PPP1R37: variants seen among roughly 807,000 people sequenced by gnomAD.
PPP1R37 encodes protein phosphatase 1 regulatory subunit 37.
A neutral mutation model predicts 61.0 loss-of-function variants in PPP1R37; 21 were observed. The observed-to-expected ratio is 0.34, with a 90% CI of 0.24 to 0.50. PPP1R37 has a LOEUF of 0.50. Among genes scored for constraint, PPP1R37 ranks in the 20% least tolerant of loss-of-function variants. The pLI, the probability that PPP1R37 is intolerant of heterozygous loss-of-function variation, is 0.98. For synonymous variants in PPP1R37, 443 were observed against 433.5 expected (o/e 1.02, Z -0.27); for missense variants, 910 against 952.7 (o/e 0.96, Z 0.59).
chr19:45,117,419 G>T (rs1041769031), intron 1 of PPP1R37, among the ~76,000 whole-genome samples: 3 of 152,216 alleles, frequency 2.0e-5, no homozygotes, highest in African/African-American at 7.2e-5. Flanking sequence ...CCTTGTCCTG[G>T]GCTGAGGAGT....
In PPP1R37 at chr19:45,146,747, C is replaced by T. The variant is rs556508381; in HGVS notation, c.*185C>T. ...GAGCTACAGGGAGTGGCCCTCCGCG[C>T]GTGACTCAAGCACTTCTATTTATGA... On this transcript the variant is annotated 3_prime_UTR_variant, in exon 13 of 13. Transcript: ENST00000221462. The T allele has an allele frequency of 1.7e-5, 7 of 409,480 alleles. No homozygotes were observed. Among genetic ancestry groups the T allele is most frequent in the Admixed American group, 1.1e-4 (3 of 26,312 alleles). 25.4% of individuals were successfully genotyped at this position (409,480 alleles called of 1,614,324 possible). A position where few individuals can be genotyped will look rare whatever the true frequency, so the allele number is the denominator to read the frequency against.
chr19:45,104,463 A>C (rs1355287031), intron 1 of PPP1R37, among the ~76,000 whole-genome samples: 1 of 152,126 alleles, frequency 6.6e-6, no homozygotes, highest in Non-Finnish European at 1.5e-5. Context: ...TGGGGAAGGA[A>C]GATTTCGTTC....
In PPP1R37 at chr19:45,145,793, G is replaced by A. The variant is rs897830296; in HGVS notation, c.1737G>A (p.Glu579=). 2.5e-5 allele frequency: 38 copies of A among 1,503,810 alleles called. No individual in the cohort carries two copies. The highest frequency in any genetic ancestry group is 3.4e-5 in the Non-Finnish European group (38 of 1,130,102). 93.2% of individuals were successfully genotyped at this position (1,503,810 alleles called of 1,614,324 possible). The change falls in exon 11 of 13, where the codon GAG becomes GAA. Residue 579 remains glutamate, a synonymous_variant. Transcript: ENST00000221462. The stretch of plus-strand genomic sequence containing the variant: ...TGACCCGGGTGGAGAGCCCGCCCGA[G>A]AGGGCAGAGCCCCCTGCGTCCCCCA... ...FVVTRVESPP[E]RAEPPASPTP...
In PPP1R37 at chr19:45,145,843, C is replaced by T. The variant is rs1309742664; in HGVS notation, c.1787C>T (p.Pro596Leu). ...ACCCCTCCCTCTCCCCCACCCCCTC[C>T]CTCCCCACCCGCCTCACCTTCCCTA... Reference protein sequence around the residue: ...SPTPPSPPPPPSPPASPSLPP... With the variant: ...SPTPPSPPPPLSPPASPSLPP... Residue 596 changes from proline to leucine, a missense_variant, in exon 11 of 13, where the codon CCC becomes CTC. This residue lies in a region of PPP1R37 where 549 missense variants were observed against 505.1 expected (regional missense o/e 1.09). Coordinates refer to ENST00000221462, the MANE Select transcript of PPP1R37 (RefSeq NM_019121.2). 1.4e-6 allele frequency: 2 copies of T among 1,471,830 alleles called. No homozygotes were observed. The highest frequency in any genetic ancestry group is 1.2e-5 in the South Asian group (1 of 80,160). The allele number at this position is 1,471,830 out of a possible 1,614,324, so 91.2% of individuals were successfully genotyped here.
intron 1 of PPP1R37, among the ~76,000 whole-genome samples, chr19:45,134,203 T>G (rs2122745123): frequency 6.6e-6 from 1 of 152,200 alleles, no homozygotes; most frequent in East Asian, 1.9e-4. Context: ...AGAGACTGGC[T>G]TTGTTGGCAA....
At chr19:45,111,972 CT>C (rs1001922374) in intron 1 of PPP1R37, among the ~76,000 whole-genome samples, 81 of 146,036 alleles carry the variant, frequency 5.5e-4, no homozygotes, top group African/African-American at 1.3e-3. Context: ...TCTTTTCTTT[CT>C]TTTTTTTTTT....
intron 1 of PPP1R37, among the ~76,000 whole-genome samples, chr19:45,129,904 G>A (rs1035636369): frequency 6.6e-6 from 1 of 152,172 alleles, no homozygotes; most frequent in Non-Finnish European, 1.5e-5. Flanking sequence ...AGTTTAATAT[G>A]GAAAAAAACA....
Position 45,118,788 on chromosome 19 carries a change from G to A in PPP1R37, c.203-19726G>A, listed in dbSNP as rs541396845. 3.5e-3 allele frequency among the ~76,000 whole-genome samples: 531 copies of A among 152,212 alleles called. 4 individuals are homozygous for A. The highest frequency in any genetic ancestry group is 0.012 in the African/African-American group (509 of 41,522). On this transcript the variant is annotated intron_variant, in intron 1 of 12. Transcript: ENST00000221462. ...TTCCTTCCTTTAGCCCACGTTCACT[G>A]AGCACCTGCTGGCCGGGCCCCAGGG... is the stretch of plus-strand genomic sequence containing the variant.
chr19:45,139,568 G>C (rs1968583075), intron 2 of PPP1R37, among the ~76,000 whole-genome samples: 1 of 152,174 alleles, frequency 6.6e-6, no homozygotes, highest in Non-Finnish European at 1.5e-5. Context: ...TGTACCCTCA[G>C]CTGTGCTGGA....
chr19:45,093,559 C>T lies in PPP1R37; in HGVS notation c.202+32C>T, dbSNP rs898159533. The T allele has an allele frequency of 4.0e-6, 6 of 1,509,890 alleles. No homozygotes were observed. The African/African-American group carries it at 5.6e-5, about 14-fold the overall frequency. The allele number at this position is 1,509,890 out of a possible 1,614,324, so 93.5% of individuals were successfully genotyped here. A position where few individuals can be genotyped will look rare whatever the true frequency, so the allele number is the denominator to read the frequency against. On this transcript the variant is annotated intron_variant, in intron 1 of 12. Coordinates refer to ENST00000221462, the MANE Select transcript of PPP1R37 (RefSeq NM_019121.2). ...ACCGCGGGTGAAGCGGGGGCGGGCT[C>T]GAGAGGGACCCGGGAGTCGGGAGGG... is the stretch of plus-strand genomic sequence containing the variant.
At chr19:45,102,145 C>G (rs1968072381) in intron 1 of PPP1R37, among the ~76,000 whole-genome samples, 1 of 152,244 alleles carries the variant, frequency 6.6e-6, no homozygotes, top group Non-Finnish European at 1.5e-5. Context: ...ACAGTCCCTT[C>G]AGGTCTCACA....
In PPP1R37 at chr19:45,145,398, C is replaced by G; in HGVS notation, c.1342C>G (p.Gln448Glu). Residue 448 changes from glutamine to glutamate, a missense_variant, in exon 11 of 13, where the codon CAG becomes GAG. By Grantham distance (29) the Gln-to-Glu change is conservative (BLOSUM62 2). Transcript: ENST00000221462. ...ETQKALLAEI[Q>E]NGCKRNLVLA... ...GCAGAAGGCGCTGCTGGCCGAGATC[C>G]AGAACGGCTGCAAGCGCAACTTGGT... is the stretch of plus-strand genomic sequence containing the variant. The G allele has an allele frequency of 6.5e-7, 1 of 1,535,442 alleles. No homozygotes were observed. Among genetic ancestry groups the G allele is most frequent in the Middle Eastern group, 1.7e-4 (1 of 5,974 alleles).
intron 1 of PPP1R37, among the ~76,000 whole-genome samples, chr19:45,137,518 G>A (rs537956718): frequency 1.3e-5 from 2 of 152,208 alleles, no homozygotes; most frequent in African/African-American, 2.4e-5. Context: ...TTTGGGCTAC[G>A]TCCCTTCATT....
chr19:45,146,364 GGGTGCT>G lies in PPP1R37; in HGVS notation c.1994-23_1994-18del. ...TGTATTTGCCCCACCCGCCTGACGG[GGGTGCT>G]GGCCCGTCCTCCCACACAGAACTGA... is the stretch of plus-strand genomic sequence containing the variant. On this transcript the variant is annotated intron_variant, in intron 11 of 12. Transcript: ENST00000221462. The G allele has an allele frequency of 9.1e-6, 14 of 1,531,386 alleles. No homozygotes were observed. Among genetic ancestry groups the G allele is most frequent in the Non-Finnish European group, 1.2e-5 (14 of 1,143,386 alleles). 94.9% of individuals were successfully genotyped at this position (1,531,386 alleles called of 1,614,324 possible). A position where few individuals can be genotyped will look rare whatever the true frequency, so the allele number is the denominator to read the frequency against.
rs1271353197 is a variant in PPP1R37, at chr19:45,106,340, T to G, written c.202+12813T>G. On this transcript the variant is annotated intron_variant, in intron 1 of 12. Transcript: ENST00000221462. ...TACTGAAACCTTTGCCTCCCAAGTT[T>G]AAGCGATTCTCCTGCCTCAGCCTCC... is the stretch of plus-strand genomic sequence containing the variant. 6.6e-5 allele frequency among the ~76,000 whole-genome samples: 10 copies of G among 151,904 alleles called. No homozygotes were observed. In the East Asian group the frequency reaches 1.9e-3, roughly 29 times the overall value.
intron 1 of PPP1R37, among the ~76,000 whole-genome samples, chr19:45,122,380 C>T (rs983807945): frequency 6.6e-5 from 10 of 152,204 alleles, no homozygotes; most frequent in African/African-American, 2.4e-4. Context: ...CCCACCCCAG[C>T]CCCACCTTCC....
chr19:45,100,937 T>C (rs980370678), intron 1 of PPP1R37, among the ~76,000 whole-genome samples: 1 of 152,202 alleles, frequency 6.6e-6, no homozygotes, highest in Non-Finnish European at 1.5e-5. Context: ...GTGTCTGGTA[T>C]GTGATAGGCG....
At chr19:45,127,522 A>G (rs1415375249) in intron 1 of PPP1R37, among the ~76,000 whole-genome samples, 1 of 152,146 alleles carries the variant, frequency 6.6e-6, no homozygotes, top group Non-Finnish European at 1.5e-5. Context: ...GAACGTAGAC[A>G]AGGGACAGTA....
intron 1 of PPP1R37, among the ~76,000 whole-genome samples, chr19:45,132,841 T>A (rs1968495047): frequency 6.6e-6 from 1 of 152,032 alleles, no homozygotes; most frequent in Admixed American, 6.6e-5. Flanking sequence ...AGTGCTGGGA[T>A]TGCAGGCATG....
Sources: gnomAD v4.1 joint callset for allele counts (sites outside exome capture counted in the v4.1 genomes callset) on GRCh38, gnomAD v4.1.1 for gene constraint, gnomAD v4.1.1 regional missense constraint, MANE v1.5 for transcripts, NCBI Gene and HGNC (gene_info 2026-07-23, HGNC 2026-07-21) for gene names.